DPH6: variants seen among roughly 807,000 people sequenced by gnomAD.
DPH6 encodes diphthamine biosynthesis 6.
Under a neutral mutation model 38.2 loss-of-function variants are expected in DPH6, and 33 were observed. The ratio of observed to expected loss-of-function variants is 0.86; its 90% CI spans 0.65 to 1.15. The LOEUF (loss-of-function observed/expected upper bound fraction) is 1.15. Among genes scored for constraint, DPH6 ranks in the 50% most tolerant of loss-of-function variants. The pLI, the probability that DPH6 is intolerant of heterozygous loss-of-function variation, is 0.00. For missense variants in DPH6, 325 were observed against 320.0 expected, an observed-to-expected ratio of 1.02 and a Z score of -0.12; for synonymous variants, 108 against 103.0, an observed-to-expected ratio of 1.05 and a Z score of -0.30.
chr15:35,246,222 C>G (rs747259993), intron 3 of DPH6, among the ~76,000 whole-genome samples: 21 of 152,202 alleles, frequency 1.4e-4, no homozygotes, highest in Admixed American at 6.5e-5. Flanking sequence ...TCACACAAAG[C>G]GTGTTTGGTG....
chr15:35,261,518 G>T (rs567325918), intron 3 of DPH6, among the ~76,000 whole-genome samples: 173 of 148,318 alleles, frequency 1.2e-3, no homozygotes, highest in Non-Finnish European at 1.1e-3. Flanking sequence ...GATGGAGTAG[G>T]AATGTAAATC....
chr15:35,433,394 G>A (rs1355223314), intron 5 of DPH6, among the ~76,000 whole-genome samples: 1 of 152,192 alleles, frequency 6.6e-6, no homozygotes, highest in Admixed American at 6.5e-5. Context: ...CATTCTCTTA[G>A]CAGAAAGCCA....
At chr15:35,299,213 C>G (rs760445046) in intron 3 of DPH6, 2 of 1,300,286 alleles carry the variant, frequency 1.5e-6, no homozygotes, top group Admixed American at 3.4e-5. Flanking sequence ...GATCCTTCAG[C>G]CCAGCTGGCA....
intron 3 of DPH6, among the ~76,000 whole-genome samples, chr15:35,347,671 T>C (rs531051147): frequency 6.6e-6 from 1 of 151,536 alleles, no homozygotes; most frequent in South Asian, 2.1e-4. Context: ...TGGTATAATA[T>C]GGTAGCTGTA....
intron 3 of DPH6, among the ~76,000 whole-genome samples, chr15:35,490,756 A>G (rs987584583): frequency 6.6e-6 from 1 of 152,152 alleles, no homozygotes; most frequent in Non-Finnish European, 1.5e-5. Flanking sequence ...CATTGCTTAA[A>G]CACATTGTGC....
At chr15:35,153,525 T>C in the DPH6 span, among the ~76,000 whole-genome samples, 1 of 152,202 alleles carries the variant, frequency 6.6e-6, no homozygotes, top group African/African-American at 2.4e-5. Context: ...CTTAGGCCTC[T>C]ACATTGTTTG....
At chr15:35,200,068 AAAT>A in the DPH6 span, among the ~76,000 whole-genome samples, 9 of 152,118 alleles carry the variant, frequency 5.9e-5, no homozygotes, top group African/African-American at 1.7e-4. Flanking sequence ...AATAAATAAG[AAAT>A]AATAATAAGA....
At chr15:35,165,719 T>G in the DPH6 span, among the ~76,000 whole-genome samples, 1 of 151,946 alleles carries the variant, frequency 6.6e-6, no homozygotes, top group African/African-American at 2.4e-5. Context: ...AGTTTAAACA[T>G]GTTTTCTTAA....
intron 3 of DPH6, among the ~76,000 whole-genome samples, chr15:35,247,969 G>A (rs2051647377): frequency 6.6e-6 from 1 of 152,124 alleles, no homozygotes; most frequent in African/African-American, 2.4e-5. Flanking sequence ...TTTAAAAGGG[G>A]GAAATGTGTG....
chr15:35,468,415 C>T (rs2054154794), intron 3 of DPH6, among the ~76,000 whole-genome samples: 1 of 152,198 alleles, frequency 6.6e-6, no homozygotes, highest in Non-Finnish European at 1.5e-5. Flanking sequence ...GCCTCTGCCT[C>T]ATAGTGCTTC....
the DPH6 span, among the ~76,000 whole-genome samples, chr15:35,154,769 G>T: frequency 1.3e-5 from 2 of 152,114 alleles, no homozygotes; most frequent in African/African-American, 4.8e-5. Flanking sequence ...TTTACTCATA[G>T]TAGCCTTAAC....
intron 3 of DPH6, among the ~76,000 whole-genome samples, chr15:35,324,558 G>A (rs1400887523): frequency 1.3e-5 from 2 of 151,938 alleles, no homozygotes; most frequent in East Asian, 1.9e-4. Flanking sequence ...CCCTATCTTC[G>A]AAAGACAGCT....
At chr15:35,294,896 G>A (rs1039898570) in intron 3 of DPH6, among the ~76,000 whole-genome samples, 4 of 152,144 alleles carry the variant, frequency 2.6e-5, no homozygotes, top group Admixed American at 6.5e-5. Flanking sequence ...CTAGTTAGTC[G>A]GGAACAGGAT....
chr15:35,199,861 T>C, the DPH6 span, among the ~76,000 whole-genome samples: 1 of 151,950 alleles, frequency 6.6e-6, no homozygotes, highest in Admixed American at 6.6e-5. Context: ...AATACCTCTC[T>C]CAAGATGAGG....
At chr15:35,147,554 T>C in the DPH6 span, among the ~76,000 whole-genome samples, 4 of 152,184 alleles carry the variant, frequency 2.6e-5, no homozygotes, top group African/African-American at 4.8e-5. Context: ...TGGTCGGTGA[T>C]AGCATGGGAA....
At chr15:35,281,674 G>A (rs1048989701) in intron 3 of DPH6, among the ~76,000 whole-genome samples, 31 of 152,086 alleles carry the variant, frequency 2.0e-4, no homozygotes, top group Non-Finnish European at 4.4e-4. Flanking sequence ...CCAGGCTGGG[G>A]AGAAAAAGGC....
the DPH6 span, among the ~76,000 whole-genome samples, chr15:35,155,892 CAT>C: frequency 6.6e-6 from 1 of 152,090 alleles, no homozygotes; most frequent in African/African-American, 2.4e-5. Context: ...ATTTTCTAGG[CAT>C]AGTTTGAAAT....
chr15:35,381,608 C>T (rs561471730), intron 7 of DPH6, among the ~76,000 whole-genome samples: 1 of 152,272 alleles, frequency 6.6e-6, no homozygotes, highest in Admixed American at 6.5e-5. Context: ...AGTGCAATGT[C>T]TAAAAAGTTT....
the DPH6 span, among the ~76,000 whole-genome samples, chr15:35,208,932 C>T: frequency 6.6e-6 from 1 of 152,016 alleles, no homozygotes; most frequent in Non-Finnish European, 1.5e-5. Context: ...AAGCAGGTAT[C>T]TTTAAATTAT....
Sources: allele counts gnomAD v4.1 joint callset (sites outside exome capture counted in the v4.1 genomes callset), GRCh38; gene constraint gnomAD v4.1.1; transcripts MANE v1.5; gene names NCBI Gene and HGNC (gene_info 2026-07-23, HGNC 2026-07-21).